Variants in GABRP observed in about 807,000 individuals in gnomAD.
GABRP encodes gamma-aminobutyric acid type A receptor subunit pi.
A neutral mutation model predicts 47.8 loss-of-function variants in GABRP; 52 were observed. The observed-to-expected ratio is 1.09, with a 90% confidence interval of 0.87 to 1.37. The LOEUF is 1.37. GABRP is among the 40% of genes most tolerant of loss of function. The probability of loss-of-function intolerance (pLI) is 0.00; values close to 1 mark genes in which losing one functional copy is unlikely to be tolerated. For missense variants in GABRP, 525 were observed against 542.8 expected (o/e 0.97, Z 0.33); for synonymous variants, 221 against 205.8 (o/e 1.07, Z -0.63).
At position 170,809,521 on chromosome 5, in the gene GABRP, G is replaced by T. The variant is rs754723194; in HGVS notation, c.833-47G>T. 2 of 1,588,786 alleles carry T rather than the reference G, an allele frequency of 1.3e-6. 1 individual carries two copies. On this transcript the variant is annotated intron_variant, in intron 8 of 9. Coordinates refer to ENST00000265294, the MANE Select transcript of GABRP (RefSeq NM_014211.3). ...GGACACTCTGCCAGGCTATGGTGGAGGACTAACCAGTCACTTTGTAGGAAC... is the reference window on the plus strand; with the variant it reads ...GGACACTCTGCCAGGCTATGGTGGATGACTAACCAGTCACTTTGTAGGAAC...
At chr5:170,810,007 G>A in intron 9 of GABRP, 6 of 700,618 alleles carry the variant, frequency 8.6e-6, no homozygotes, top group East Asian at 2.7e-5. Flanking sequence ...TCTGTATGCA[G>A]CATAAAATCA....
chr5:170,800,402 T>C (rs1471907096), intron 6 of GABRP, among the ~76,000 whole-genome samples: 5 of 152,182 alleles, frequency 3.3e-5, no homozygotes, highest in African/African-American at 1.2e-4. Flanking sequence ...GAAGAAAACC[T>C]AAGCAATACC....
At chr5:170,784,597 C>T (rs1765081205) in intron 1 of GABRP, among the ~76,000 whole-genome samples, 1 of 152,178 alleles carries the variant, frequency 6.6e-6, no homozygotes, top group Non-Finnish European at 1.5e-5. Flanking sequence ...AGTTAGCTCA[C>T]ACTCTGAGTG....
At chr5:170,783,023 G>GC (rs1429187099), upstream of GABRP, 3 of 152,280 alleles carry the variant, frequency 2.0e-5, no homozygotes, top group Non-Finnish European at 4.4e-5. Flanking sequence ...GAGGAAGAAG[G>GC]CCTCCCTCTC....
At chr5:170,801,140 G>A (rs1188309799) in intron 6 of GABRP, among the ~76,000 whole-genome samples, 2 of 152,116 alleles carry the variant, frequency 1.3e-5, no homozygotes, top group African/African-American at 4.8e-5. Context: ...TTTTCCCAAG[G>A]GAAAGTGAAG....
intron 5 of GABRP, among the ~76,000 whole-genome samples, chr5:170,795,840 A>T (rs1463799537): frequency 6.6e-6 from 1 of 152,214 alleles, no homozygotes; most frequent in Non-Finnish European, 1.5e-5. Context: ...GACGACAGAG[A>T]GGTGCATGCA....
chr5:170,788,553 A>G lies in GABRP; in HGVS notation c.-42-21A>G. 3 of 1,562,544 alleles carry G rather than the reference A, an allele frequency of 1.9e-6. No homozygotes were observed. The Admixed American group carries it at 5.0e-5, about 26-fold the overall frequency. ...GAGCCTGTTGCACGGCCTTCCACTT[A>G]CCTTGCCCCCTGTTTCCCAGGTGAT... On this transcript the variant is annotated intron_variant, in intron 1 of 9. Coordinates refer to ENST00000265294, the MANE Select transcript of GABRP (RefSeq NM_014211.3).
intron 1 of GABRP, among the ~76,000 whole-genome samples, chr5:170,787,335 GGCCTGA>G (rs1301709771): frequency 7.9e-5 from 12 of 152,258 alleles, no homozygotes; most frequent in Non-Finnish European, 7.4e-5. Flanking sequence ...CTGAGAATGG[GGCCTGA>G]GCCTGAGCAC....
chr5:170,789,034 CCA>C, intron 2 of GABRP, 93 bp from the exon 3 acceptor site: 5 of 917,474 alleles, frequency 5.4e-6, no homozygotes, highest in Admixed American at 1.9e-5. Context: ...GCACATACAC[CCA>C]CACACACGTG....
At chr5:170,789,830 G>A (rs189020673) in intron 3 of GABRP, among the ~76,000 whole-genome samples, 1 of 152,200 alleles carries the variant, frequency 6.6e-6, no homozygotes, top group Admixed American at 6.5e-5. Context: ...GGCCTCTCCT[G>A]CCTCTATGCC....
intron 3 of GABRP, among the ~76,000 whole-genome samples, chr5:170,790,899 AGTTGGAGATGGGAGAG>A (rs1342029517): frequency 9.2e-5 from 14 of 152,196 alleles, no homozygotes; most frequent in African/African-American, 3.4e-4. Flanking sequence ...ACACCTGCTC[AGTTGGAGATGGGAGAG>A]ATGCATTTTC....
chr5:170,797,867 C>T lies in GABRP; in HGVS notation c.541+319C>T, dbSNP rs188302534. Among the ~76,000 whole-genome samples, 273 of 152,332 alleles carry T rather than the reference C, an allele frequency of 1.8e-3. 1 individual carries two copies. Among genetic ancestry groups the T allele is most frequent in the Middle Eastern group, 3.4e-3 (1 of 294 alleles). ...ACAACGGCTGGTGTGCCCAATCCAG[C>T]CCCATCACCTGTTTCTGCTAAGGAA... On this transcript the variant is annotated intron_variant, in intron 6 of 9. Transcript: ENST00000265294.
intron 6 of GABRP, among the ~76,000 whole-genome samples, chr5:170,799,186 G>A (rs1043126141): frequency 2.0e-5 from 3 of 152,156 alleles, no homozygotes; most frequent in African/African-American, 7.2e-5. Flanking sequence ...ATCATTGTTG[G>A]ACATTTGGCT....
chr5:170,798,702 C>T (rs1765504261), intron 6 of GABRP, among the ~76,000 whole-genome samples: 1 of 152,094 alleles, frequency 6.6e-6, no homozygotes, highest in African/African-American at 2.4e-5. Flanking sequence ...TCAATGTACT[C>T]ATCATTTGTC....
At chr5:170,804,300 A>G (rs142638742) in intron 6 of GABRP, among the ~76,000 whole-genome samples, 412 of 152,202 alleles carry the variant, frequency 2.7e-3, no homozygotes, top group Middle Eastern at 6.8e-3. Context: ...CCTTTTGGCT[A>G]TTATGAGTAG....
At position 170,805,117 on chromosome 5, in the gene GABRP, G is replaced by A. The variant is rs972471645; in HGVS notation, c.542-599G>A. 4.0e-5 allele frequency among the ~76,000 whole-genome samples: 6 copies of A among 150,652 alleles called. 1 individual carries two copies. Among genetic ancestry groups the A allele is most frequent in the African/African-American group, 1.5e-4 (6 of 41,152 alleles). ...TCCATCTTAGAATTGAGGAAATATA[G>A]AAATGGCTACCTTGCAAGTTTACAA... is the stretch of plus-strand genomic sequence containing the variant. On this transcript the variant is annotated intron_variant, in intron 6 of 9. Coordinates refer to ENST00000265294, the MANE Select transcript of GABRP (RefSeq NM_014211.3).
Position 170,795,336 on chromosome 5 carries a change from G to A in GABRP, c.369G>A (p.Val123=). 1 of 1,613,980 alleles carries A rather than the reference G, an allele frequency of 6.2e-7. No homozygotes were observed. The highest frequency in any genetic ancestry group is 8.5e-7 in the Non-Finnish European group (1 of 1,179,974). ...TCTGGGTGCCAGATACTTACATTGT[G>A]GAGTCCAAGAAGTCCTTCCTCCATG... The part of the protein sequence containing the change: ...EFLWVPDTYI[V]ESKKSFLHEV... The change falls in exon 5 of 10, where the codon GTG becomes GTA. Residue 123 remains valine (V), a synonymous_variant. Coordinates refer to ENST00000265294, the MANE Select transcript of GABRP (RefSeq NM_014211.3).
Position 170,805,698 on chromosome 5 carries a change from C to A in GABRP, c.542-18C>A, listed in dbSNP as rs74966184. 224 of 1,613,842 alleles carry A rather than the reference C, an allele frequency of 1.4e-4. No homozygotes were observed. Among genetic ancestry groups the A allele is most frequent in the Non-Finnish European group, 1.8e-4 (211 of 1,179,912 alleles). On this transcript the variant is annotated intron_variant, in intron 6 of 9. Transcript: ENST00000265294. Reference sequence around the variant, plus strand: ...TGGAACACCCTTGCACTGACCAGGGCTCCATTTTATTTGCCAGGGGGCTAT... The same window carrying A: ...TGGAACACCCTTGCACTGACCAGGGATCCATTTTATTTGCCAGGGGGCTAT...
At chr5:170,788,803 C>A (rs1265709092) in intron 2 of GABRP, 135 bp downstream of exon 2, 2 of 795,372 alleles carry the variant, frequency 2.5e-6, no homozygotes, top group Non-Finnish European at 4.3e-6. Flanking sequence ...GAGCACCGAA[C>A]AATGAAACTT....
Sources: gnomAD v4.1 joint callset for allele counts (sites outside exome capture counted in the v4.1 genomes callset) on GRCh38, gnomAD v4.1.1 for gene constraint, MANE v1.5 for transcripts, NCBI Gene and HGNC (gene_info 2026-07-23, HGNC 2026-07-21) for gene names.